Variants in FAM78B observed in about 807,000 individuals in gnomAD.
The protein encoded by FAM78B is protein FAM78B.
In FAM78B, 10 loss-of-function variants were observed where a neutral mutation model predicts 20.0. That is an observed-to-expected ratio of 0.50 (90% CI 0.31 to 0.85). The LOEUF (loss-of-function observed/expected upper bound fraction) is 0.85. Ranked by LOEUF, FAM78B falls within the 40% of genes least tolerant of loss-of-function variation. FAM78B has a pLI of 0.05. For missense variants in FAM78B, 283 were observed against 345.0 expected (o/e 0.82, Z 1.42); for synonymous variants, 135 against 132.8 (o/e 1.02, Z -0.12).
intron 1 of FAM78B, among the ~76,000 whole-genome samples, chr1:166,106,349 TAAA>T (rs200794576): frequency 2.1e-5 from 3 of 139,852 alleles, no homozygotes; most frequent in African/African-American, 8.0e-5. Flanking sequence ...AAAACTTAAA[TAAA>T]AAAAAAAGAA....
intron 1 of FAM78B, among the ~76,000 whole-genome samples, chr1:166,095,107 CAG>C (rs1653226620): frequency 1.3e-5 from 2 of 152,148 alleles, no homozygotes; most frequent in African/African-American, 4.8e-5. Context: ...CCAGTCCTTG[CAG>C]AGTCATCACC....
At chr1:166,072,926 T>G (rs941449544) in intron 1 of FAM78B, among the ~76,000 whole-genome samples, 1 of 152,216 alleles carries the variant, frequency 6.6e-6, no homozygotes, top group African/African-American at 2.4e-5. Flanking sequence ...TCTCATATTT[T>G]TGCCTCCCAT....
intron 1 of FAM78B, among the ~76,000 whole-genome samples, chr1:166,132,490 C>CA (rs1252254600): frequency 6.6e-6 from 1 of 152,006 alleles, no homozygotes; most frequent in Non-Finnish European, 1.5e-5. Context: ...TTGTGAAGTG[C>CA]AAAAAAACCC....
intron 1 of FAM78B, among the ~76,000 whole-genome samples, chr1:166,103,909 AT>A (rs779571255): frequency 1.3e-5 from 2 of 152,206 alleles, no homozygotes; most frequent in Non-Finnish European, 2.9e-5. Flanking sequence ...ATAAAAGAGA[AT>A]TTTAGACCAA....
intron 1 of FAM78B, among the ~76,000 whole-genome samples, chr1:166,130,811 C>CTG (rs1195656257): frequency 6.6e-6 from 1 of 152,146 alleles, no homozygotes; most frequent in Non-Finnish European, 1.5e-5. Context: ...ACTCCCAGAC[C>CTG]TGTGCTCTTT....
intron 1 of FAM78B, among the ~76,000 whole-genome samples, chr1:166,149,779 C>T (rs1655607420): frequency 6.6e-6 from 1 of 152,144 alleles, no homozygotes; most frequent in Admixed American, 6.5e-5. Context: ...CAGGGAATCC[C>T]CATGCTCCAT....
chr1:166,155,750 G>C (rs1191930925), intron 1 of FAM78B, among the ~76,000 whole-genome samples: 1 of 152,134 alleles, frequency 6.6e-6, no homozygotes, highest in Non-Finnish European at 1.5e-5. Context: ...TCAGGTGTGG[G>C]GACTGCCATT....
chr1:166,152,821 G>A (rs1655734178), intron 1 of FAM78B, among the ~76,000 whole-genome samples: 1 of 152,042 alleles, frequency 6.6e-6, no homozygotes, highest in South Asian at 2.1e-4. Context: ...GGAACTACAG[G>A]TGCACGCCAC....
At position 166,157,033 on chromosome 1, in the gene FAM78B, C is replaced by G. The variant is rs7410912; in HGVS notation, c.263+8953G>C. Among the ~76,000 whole-genome samples, 29 of 894 alleles carry G rather than the reference C, an allele frequency of 0.032. 5 individuals are homozygous for G. In the Non-Finnish European group the frequency reaches 0.33, roughly 10 times the overall value. The allele number at this position is 894 out of a possible 152,430, so 0.6% of individuals were successfully genotyped here. On this transcript the variant is annotated intron_variant, in intron 1 of 1. Transcript: ENST00000354422. ...GAGTGACATGACGTCAAGGGGGCGG[C>G]GGAGGGGGGGGGGGGGCTCCAATGC...
At chr1:166,111,409 T>C (rs1654052897) in intron 1 of FAM78B, among the ~76,000 whole-genome samples, 1 of 152,226 alleles carries the variant, frequency 6.6e-6, no homozygotes, top group Non-Finnish European at 1.5e-5. Flanking sequence ...TACACAAGTG[T>C]AGAGAACAAG....
rs1652369127 is a variant in FAM78B at position 166,077,874 on chromosome 1, TTATATATATAATAAA to T, written c.264-7126_264-7112del. ...TAATATATATAATTTATATATATAATTATATATATAATAAATATATATAATTTATATATATAATTA... is the reference window on the plus strand; with the variant it reads ...TAATATATATAATTTATATATATAATTATATATAATTTATATATATAATTA... On this transcript the variant is annotated intron_variant, in intron 1 of 1. Coordinates refer to ENST00000354422, the MANE Select transcript of FAM78B (RefSeq NM_001017961.5). Among the ~76,000 whole-genome samples the T allele has an allele frequency of 5.0e-5, 3 of 60,012 alleles. 1 individual carries two copies. Among genetic ancestry groups the T allele is most frequent in the East Asian group, 9.8e-4 (2 of 2,040 alleles). 39.4% of individuals were successfully genotyped at this position (60,012 alleles called of 152,430 possible).
At chr1:166,096,064 A>G (rs545895248) in intron 1 of FAM78B, among the ~76,000 whole-genome samples, 92 of 152,358 alleles carry the variant, frequency 6.0e-4, no homozygotes, top group African/African-American at 2.0e-3. Context: ...TAAATAAAAA[A>G]GATCATCTAA....
chr1:166,061,087 C>T (rs996089276), intron 2 of FAM78B, among the ~76,000 whole-genome samples: 2 of 152,198 alleles, frequency 1.3e-5, no homozygotes, highest in African/African-American at 4.8e-5. Context: ...GGGGGTCACA[C>T]CACGACTGAG....
At chr1:166,109,896 A>ATATG (rs1653975173) in intron 1 of FAM78B, among the ~76,000 whole-genome samples, 1 of 59,954 alleles carries the variant, frequency 1.7e-5, no homozygotes, top group African/African-American at 5.6e-5. Flanking sequence ...ATATGTATAT[A>ATATG]TATATATATA....
downstream of FAM78B, among the ~76,000 whole-genome samples, chr1:166,068,849 T>G (rs1651901593): frequency 6.6e-6 from 1 of 152,156 alleles, no homozygotes; most frequent in Non-Finnish European, 1.5e-5. Context: ...GCTCTTTTTT[T>G]GAGGTGGGGG....
At chr1:166,086,932 G>T (rs1157307778) in intron 1 of FAM78B, among the ~76,000 whole-genome samples, 2 of 152,150 alleles carry the variant, frequency 1.3e-5, no homozygotes, top group African/African-American at 4.8e-5. Flanking sequence ...CCCCAGTGTG[G>T]CTACATGCAG....
chr1:166,165,986 A>G lies in FAM78B; in HGVS notation c.263T>C (p.Met88Thr). ...CCGTGCCGCGCGGCGAGTCGCTTAC[A>G]TGCCCAGGTCGCTGTAGGTGTTGAA... ...EFFNTYSDLG[M>T]SSWELPDLRE... The change falls in exon 1 of 2, where the codon ATG (methionine) becomes ACG (threonine). Residue 88 changes from methionine (M) to threonine (T), a missense_variant and splice_region_variant. Met to Thr is a moderately conservative substitution (Grantham distance 81, BLOSUM62 -1). Coordinates refer to ENST00000354422, the MANE Select transcript of FAM78B (RefSeq NM_001017961.5). The G allele has an allele frequency of 1.9e-6, 3 of 1,613,578 alleles. No homozygotes were observed. The highest frequency in any genetic ancestry group is 1.1e-5 in the South Asian group (1 of 91,080).
intron 1 of FAM78B, among the ~76,000 whole-genome samples, chr1:166,158,108 T>C (rs564925319): frequency 9.8e-5 from 15 of 152,310 alleles, no homozygotes; most frequent in Middle Eastern, 3.4e-3. Flanking sequence ...ATTATCACTA[T>C]TTTGCAAAGC....
At position 166,069,929 on chromosome 1, in the gene FAM78B, C is replaced by G; in HGVS notation, c.*312G>C. The G allele has an allele frequency of 9.7e-7, 1 of 1,034,512 alleles. No homozygotes were observed. Among genetic ancestry groups the G allele is most frequent in the Non-Finnish European group, 1.2e-6 (1 of 854,354 alleles). The allele number at this position is 1,034,512 out of a possible 1,614,324, so 64.1% of individuals were successfully genotyped here. A position where few individuals can be genotyped will look rare whatever the true frequency, so the allele number is the denominator to read the frequency against. ...TTTCGTTTCCATCCCCTGCATCTCACAGGAAAGAAATGGTCAATAGTTCAG... is the reference window on the plus strand; with the variant it reads ...TTTCGTTTCCATCCCCTGCATCTCAGAGGAAAGAAATGGTCAATAGTTCAG... On this transcript the variant is annotated 3_prime_UTR_variant, in exon 2 of 2. Coordinates refer to ENST00000354422, the MANE Select transcript of FAM78B (RefSeq NM_001017961.5).
Sources: allele counts gnomAD v4.1 joint callset (sites outside exome capture counted in the v4.1 genomes callset), GRCh38; gene constraint gnomAD v4.1.1; transcripts MANE v1.5; gene names NCBI Gene and HGNC (gene_info 2026-07-23, HGNC 2026-07-21).